STX18: variants seen among roughly 807,000 people sequenced by gnomAD.
The protein encoded by STX18 is syntaxin 18, also known as syntaxin-18.
STX18 carries 40 observed loss-of-function variants against 50.1 expected under a neutral mutation model. The ratio of observed to expected loss-of-function variants is 0.80; its 90% CI spans 0.62 to 1.04. STX18 has a LOEUF of 1.04. Ranked by LOEUF, STX18 falls within the 50% of genes least tolerant of loss-of-function variation. STX18 has a pLI of 0.00. For synonymous variants in STX18, 158 were observed against 151.8 expected, an observed-to-expected ratio of 1.04 and a Z score of -0.30; for missense variants, 410 against 415.8, an observed-to-expected ratio of 0.99 and a Z score of 0.12.
At chr4:4,528,070 G>A (rs1055889221) in intron 1 of STX18, among the ~76,000 whole-genome samples, 4 of 152,002 alleles carry the variant, frequency 2.6e-5, no homozygotes, top group East Asian at 3.9e-4. Context: ...CTTACACAGC[G>A]GAAAAATTCT....
Position 4,425,184 on chromosome 4 carries a change from G to A in STX18, c.741C>T (p.Asn247=). Reference sequence around the variant, plus strand: ...CATACCTCACTTCATCAAACAAGCTGTTCATTTCACCAATTAGTCGCTGAT... The same window carrying A: ...CATACCTCACTTCATCAAACAAGCTATTCATTTCACCAATTAGTCGCTGAT... ...QENQRLIGEM[N]SLFDEVRQIE... is the part of the protein sequence containing the mutation. The change falls in exon 8 of 11, where the codon AAC becomes AAT. Residue 247 remains asparagine (N), a synonymous_variant. Transcript: ENST00000306200. The A allele has an allele frequency of 6.2e-7, 1 of 1,614,130 alleles. No homozygotes were observed. The highest frequency in any genetic ancestry group is 8.5e-7 in the Non-Finnish European group (1 of 1,179,972).
At chr4:4,471,114 G>A (rs1316321883) in intron 2 of STX18, among the ~76,000 whole-genome samples, 1 of 152,172 alleles carries the variant, frequency 6.6e-6, no homozygotes, top group Non-Finnish European at 1.5e-5. Flanking sequence ...TCAAAAGCCT[G>A]GGAGAAGGAC....
intron 1 of STX18, among the ~76,000 whole-genome samples, chr4:4,504,693 G>A (rs1380685195): frequency 6.6e-6 from 1 of 152,088 alleles, no homozygotes. Flanking sequence ...AAGGCAAGGG[G>A]GGCACATGAA....
chr4:4,540,667 A>G (rs946022414), intron 1 of STX18, among the ~76,000 whole-genome samples: 16 of 152,112 alleles, frequency 1.1e-4, no homozygotes, highest in African/African-American at 2.9e-4. Context: ...CTTTTACATC[A>G]TATTACTCTA....
intron 1 of STX18, among the ~76,000 whole-genome samples, chr4:4,506,406 T>A (rs377334971): frequency 1.3e-5 from 2 of 152,208 alleles, no homozygotes; most frequent in Non-Finnish European, 2.9e-5. Context: ...CTTAAAGGCA[T>A]TATGCCGACT....
intron 5 of STX18, among the ~76,000 whole-genome samples, chr4:4,441,083 G>A (rs564594566): frequency 6.6e-6 from 1 of 152,314 alleles, no homozygotes; most frequent in Non-Finnish European, 1.5e-5. Context: ...TGTGTTACTG[G>A]TGCATGGCAG....
chr4:4,529,733 C>A (rs752543047), intron 1 of STX18, among the ~76,000 whole-genome samples: 1 of 152,172 alleles, frequency 6.6e-6, no homozygotes, highest in African/African-American at 2.4e-5. Flanking sequence ...TTCTGAACCT[C>A]GGTTTCTTCA....
chr4:4,542,231 T>C (rs1483753913), upstream of STX18: 1 of 396,626 alleles, frequency 2.5e-6, no homozygotes, highest in Non-Finnish European at 4.5e-6. Flanking sequence ...AGGGTTTAGC[T>C]GCGCGGAGAG....
At chr4:4,421,776 G>C (rs889622351) in intron 9 of STX18, among the ~76,000 whole-genome samples, 1 of 152,170 alleles carries the variant, frequency 6.6e-6, no homozygotes, top group African/African-American at 2.4e-5. Flanking sequence ...ATAGTGCTTT[G>C]TGTTTTACTA....
chr4:4,454,527 C>T (rs1726962092), intron 5 of STX18, among the ~76,000 whole-genome samples: 1 of 152,288 alleles, frequency 6.6e-6, no homozygotes, highest in Non-Finnish European at 1.5e-5. Context: ...CAGTGACCAC[C>T]ACACCATCTT....
Position 4,517,210 on chromosome 4 carries a change from A to C in STX18, c.168+24587T>G, listed in dbSNP as rs181105059. ...TACATTCTTCCCCTGATTCCCACCC[A>C]CATCATGACATTAGGTGCTTCTGTT... On this transcript the variant is annotated intron_variant, in intron 1 of 10. Transcript: ENST00000306200. Among the ~76,000 whole-genome samples, 431 of 152,298 alleles carry C rather than the reference A, an allele frequency of 2.8e-3. 4 individuals are homozygous for C. The highest frequency in any genetic ancestry group is 0.027 in the Middle Eastern group (8 of 294).
At chr4:4,439,749 C>T (rs1726009244) in intron 5 of STX18, among the ~76,000 whole-genome samples, 1 of 152,130 alleles carries the variant, frequency 6.6e-6, no homozygotes, top group African/African-American at 2.4e-5. Context: ...TGTTTCAGGA[C>T]TGAGTCCTCT....
intron 1 of STX18, among the ~76,000 whole-genome samples, chr4:4,519,873 G>A (rs889647038): frequency 2.6e-5 from 4 of 152,232 alleles, no homozygotes; most frequent in East Asian, 1.9e-4. Context: ...GTAGCTGATC[G>A]CAGCAGTTTA....
At chr4:4,461,909 G>C (rs1727399264) in intron 2 of STX18, 1 of 456,238 alleles carries the variant, frequency 2.2e-6, no homozygotes, top group Non-Finnish European at 4.4e-6. Context: ...TACCTACTTA[G>C]AGACAGCAGA....
At chr4:4,507,397 G>A (rs549487005) in intron 1 of STX18, 22 of 757,116 alleles carry the variant, frequency 2.9e-5, no homozygotes, top group Admixed American at 1.5e-4. Flanking sequence ...CTTTGTTCCC[G>A]TTCCTCCACT....
chr4:4,473,386 A>T (rs1728020896), intron 1 of STX18, among the ~76,000 whole-genome samples: 1 of 147,042 alleles, frequency 6.8e-6, no homozygotes, highest in South Asian at 2.1e-4. Flanking sequence ...TCCACCTCCC[A>T]AGTTCACGTC....
At chr4:4,537,368 A>T (rs1004546427) in intron 1 of STX18, among the ~76,000 whole-genome samples, 5 of 152,178 alleles carry the variant, frequency 3.3e-5, no homozygotes, top group African/African-American at 1.2e-4. Context: ...CCCTATTCCC[A>T]GACAGGGCAC....
intron 1 of STX18, among the ~76,000 whole-genome samples, chr4:4,517,030 A>C (rs1730299592): frequency 6.6e-6 from 1 of 152,250 alleles, no homozygotes; most frequent in Admixed American, 6.5e-5. Context: ...ACAATGCCAC[A>C]GAGTCTTCTT....
chr4:4,522,760 A>C (rs1254959953), intron 1 of STX18, among the ~76,000 whole-genome samples: 3 of 152,270 alleles, frequency 2.0e-5, no homozygotes, highest in African/African-American at 7.2e-5. Context: ...ATTAATCATC[A>C]GTAGAAAAAA....
Sources: gnomAD v4.1 joint callset for allele counts (sites outside exome capture counted in the v4.1 genomes callset) on GRCh38, gnomAD v4.1.1 for gene constraint, MANE v1.5 for transcripts, NCBI Gene and HGNC (gene_info 2026-07-23, HGNC 2026-07-21) for gene names.